Variants in SEL1L3 observed in about 807,000 individuals in gnomAD.
SEL1L3 encodes protein sel-1 homolog 3.
In SEL1L3, 76 loss-of-function variants were observed where a neutral mutation model predicts 142.8. That is an observed-to-expected ratio of 0.53 (90% CI 0.44 to 0.64). The LOEUF is 0.64. SEL1L3 is among the 30% of genes least tolerant of loss of function. SEL1L3 has a pLI of 0.00. For synonymous variants in SEL1L3, 504 were observed against 519.6 expected, an observed-to-expected ratio of 0.97 and a Z score of 0.41; for missense variants, 1,262 against 1,381.7, an observed-to-expected ratio of 0.91 and a Z score of 1.37.
intron 20 of SEL1L3, chr4:25,759,616 A>T (rs1718237954): frequency 6.5e-6 from 1 of 154,438 alleles, no homozygotes; most frequent in African/African-American, 2.4e-5. Context: ...ACAGATTCCC[A>T]CTATGGTATA....
intron 11 of SEL1L3, among the ~76,000 whole-genome samples, chr4:25,795,618 C>A (rs1712680704): frequency 6.6e-6 from 1 of 152,132 alleles, no homozygotes; most frequent in Non-Finnish European, 1.5e-5. Context: ...GCAGAATGAT[C>A]CTAGAGTCCA....
At chr4:25,859,137 G>A (rs1405736298) in intron 1 of SEL1L3, among the ~76,000 whole-genome samples, 1 of 152,282 alleles carries the variant, frequency 6.6e-6, no homozygotes, top group African/African-American at 2.4e-5. Flanking sequence ...TTGGAAGAAG[G>A]TAAGAGTTAA....
the SEL1L3 span, among the ~76,000 whole-genome samples, chr4:25,735,691 C>T: frequency 6.6e-6 from 1 of 151,484 alleles, no homozygotes; most frequent in Non-Finnish European, 1.5e-5. Context: ...TTTTTATTAT[C>T]TTTCAGTTCA....
intron 1 of SEL1L3, among the ~76,000 whole-genome samples, chr4:25,851,887 C>CAAA (rs35600659): frequency 1.3e-4 from 8 of 59,564 alleles, no homozygotes; most frequent in African/African-American, 2.2e-4. Context: ...GACTCTGTCT[C>CAAA]AAAAAAAAAA....
At chr4:25,831,507 A>ATTATT (rs1560339999) in intron 5 of SEL1L3, among the ~76,000 whole-genome samples, 1 of 112,200 alleles carries the variant, frequency 8.9e-6, no homozygotes, top group Non-Finnish European at 1.7e-5. Flanking sequence ...TAATAATAAT[A>ATTATT]ATAATTATTA....
downstream of SEL1L3, among the ~76,000 whole-genome samples, chr4:25,746,243 C>T (rs779463698): frequency 5.9e-5 from 9 of 151,908 alleles, no homozygotes; most frequent in Admixed American, 2.0e-4. Flanking sequence ...ATAGGCCAGG[C>T]GCGGTGACTC....
chr4:25,728,098 T>G, the SEL1L3 span, among the ~76,000 whole-genome samples: 2 of 152,138 alleles, frequency 1.3e-5, no homozygotes, highest in African/African-American at 2.4e-5. Flanking sequence ...TTGAAGTCCC[T>G]CGTTTTCTTA....
At chr4:25,715,400 G>A in the SEL1L3 span, among the ~76,000 whole-genome samples, 6 of 151,892 alleles carry the variant, frequency 4.0e-5, no homozygotes, top group South Asian at 2.1e-4. Context: ...TTCACCTATC[G>A]GGTTGGTAAA....
rs775448565 is a variant in SEL1L3 at position 25,819,842 on chromosome 4, A to G, written c.1389T>C (p.Ser463=). ...EVQEIVSVYA[S]AAKHGGERQE... ...GTCTCTCGCCCCCGTGCTTTGCTGC[A>G]GATGCATACACAGATACTATTTCTT... is the stretch of plus-strand genomic sequence containing the variant. Residue 463 remains serine (S), a synonymous_variant, in exon 8 of 24, where the codon TCT becomes TCC. Transcript: ENST00000399878. The G allele has an allele frequency of 1.2e-6, 2 of 1,612,766 alleles. No individual in the cohort carries two copies. The highest frequency in any genetic ancestry group is 1.7e-5 in the Admixed American group (1 of 59,816).
the SEL1L3 span, among the ~76,000 whole-genome samples, chr4:25,741,831 A>G: frequency 6.7e-6 from 1 of 150,258 alleles, no homozygotes; most frequent in Non-Finnish European, 1.5e-5. Flanking sequence ...TATTATATAT[A>G]TTTTTTTTGA....
chr4:25,828,357 C>G (rs1017499116), intron 6 of SEL1L3, among the ~76,000 whole-genome samples: 8 of 151,292 alleles, frequency 5.3e-5, no homozygotes, highest in African/African-American at 1.9e-4. Context: ...TGGAGCAAAG[C>G]CCAAGATTCT....
chr4:25,858,103 T>G (rs745500949), intron 1 of SEL1L3, among the ~76,000 whole-genome samples: 5 of 152,264 alleles, frequency 3.3e-5, no homozygotes, highest in African/African-American at 7.2e-5. Flanking sequence ...GAATTCACTT[T>G]AGGCTATTTA....
intron 1 of SEL1L3, among the ~76,000 whole-genome samples, chr4:25,856,425 AT>A (rs986456661): frequency 2.0e-5 from 3 of 152,166 alleles, no homozygotes; most frequent in African/African-American, 7.2e-5. Context: ...TGAAAGCAAC[AT>A]ACTGATCCAT....
intron 2 of SEL1L3, among the ~76,000 whole-genome samples, chr4:25,840,898 C>T (rs919556787): frequency 1.3e-5 from 2 of 152,208 alleles, no homozygotes; most frequent in African/African-American, 2.4e-5. Flanking sequence ...GCCCTTGTTG[C>T]CATCTTTCCC....
intron 6 of SEL1L3, among the ~76,000 whole-genome samples, chr4:25,828,999 A>G (rs896133531): frequency 6.6e-6 from 1 of 152,108 alleles, no homozygotes; most frequent in Admixed American, 6.5e-5. Flanking sequence ...TTTAAGACAG[A>G]GCCTTGTTCT....
the SEL1L3 span, among the ~76,000 whole-genome samples, chr4:25,736,695 C>G: frequency 1.3e-5 from 2 of 152,142 alleles, no homozygotes; most frequent in Admixed American, 6.6e-5. Flanking sequence ...TTCAGATCTT[C>G]TGTAAACCTA....
chr4:25,863,450 A>T (rs1577715820), upstream of SEL1L3: 1 of 696,046 alleles, frequency 1.4e-6, no homozygotes, highest in African/African-American at 1.8e-5. Context: ...TGCGGGTCGC[A>T]CAGACCAGTT....
the SEL1L3 span, among the ~76,000 whole-genome samples, chr4:25,740,736 G>A: frequency 3.0e-4 from 45 of 152,254 alleles, no homozygotes; most frequent in South Asian, 8.3e-4. Flanking sequence ...CAGTGAGACT[G>A]GAGAATTTGT....
chr4:25,825,058 T>A (rs1715004045), intron 6 of SEL1L3, among the ~76,000 whole-genome samples: 1 of 152,196 alleles, frequency 6.6e-6, no homozygotes, highest in Non-Finnish European at 1.5e-5. Flanking sequence ...CTAGAAAGAT[T>A]GGCAAATGAA....
Sources: allele counts gnomAD v4.1 joint callset (sites outside exome capture counted in the v4.1 genomes callset), GRCh38; gene constraint gnomAD v4.1.1; transcripts MANE v1.5; gene names NCBI Gene and HGNC (gene_info 2026-07-23, HGNC 2026-07-21).